Variants in RAD51 observed in about 807,000 individuals in gnomAD.
RAD51 encodes DNA repair protein RAD51 homolog 1.
In RAD51, 14 loss-of-function variants were observed where a neutral mutation model predicts 41.5. The observed-to-expected ratio is 0.34, with a 90% CI of 0.22 to 0.53. The LOEUF (loss-of-function observed/expected upper bound fraction) is 0.53. Among genes scored for constraint, RAD51 ranks in the 20% least tolerant of loss-of-function variants. RAD51 has a pLI of 0.95. For missense variants in RAD51, 234 were observed against 422.0 expected (o/e 0.55, Z 3.90); for synonymous variants, 136 against 148.6 (o/e 0.92, Z 0.62).
Position 40,729,919 on chromosome 15 carries a change from G to T in RAD51, c.841G>T (p.Ala281Ser), listed in dbSNP as rs764611353. The change falls in exon 9 of 10, where the codon GCT becomes TCT. Residue 281 changes from alanine to serine, a missense_variant. Physicochemically the swap from Ala to Ser is moderately conservative, Grantham distance 99. Transcript: ENST00000267868. ...AGTGGATGGAGCAGCGATGTTTGCT[G>T]CTGATCCCAAAAAACCTATTGGAGG... ...AQVDGAAMFA[A>S]DPKKPIGGNI... 6.2e-7 allele frequency: 1 copy of T among 1,614,174 alleles called. No individual in the cohort carries two copies. The highest frequency in any genetic ancestry group is 8.5e-7 in the Non-Finnish European group (1 of 1,180,010).
At chr15:40,717,563 GT>G (rs1356884070) in intron 5 of RAD51, among the ~76,000 whole-genome samples, 3 of 152,054 alleles carry the variant, frequency 2.0e-5, no homozygotes, top group Non-Finnish European at 2.9e-5. Context: ...TCATAAGACA[GT>G]TTTCATGGCA....
intron 6 of RAD51, among the ~76,000 whole-genome samples, chr15:40,724,220 G>C (rs1379490566): frequency 6.6e-6 from 1 of 152,160 alleles, no homozygotes; most frequent in Non-Finnish European, 1.5e-5. Context: ...TTAGTTTTCT[G>C]AGGATGTATA....
intron 5 of RAD51, among the ~76,000 whole-genome samples, chr15:40,715,583 T>A (rs1293512850): frequency 6.6e-6 from 1 of 152,182 alleles, no homozygotes; most frequent in East Asian, 1.9e-4. Context: ...CCTGATGGTA[T>A]CCCAATCCAG....
intron 4 of RAD51, among the ~76,000 whole-genome samples, chr15:40,708,733 C>T (rs943228323): frequency 6.6e-6 from 1 of 151,924 alleles, no homozygotes; most frequent in Non-Finnish European, 1.5e-5. Flanking sequence ...CAGGCATCCG[C>T]CACCATGCCC....
chr15:40,724,889 A>ATTTTTTTTTTTTTTTTTTAT (rs1896492196), intron 6 of RAD51, among the ~76,000 whole-genome samples: 1 of 55,410 alleles, frequency 1.8e-5, no homozygotes, highest in Non-Finnish European at 3.2e-5. Flanking sequence ...ATTTTTTTTA[A>ATTTTTTTTTTTTTTTTTTAT]TTTTTTTTTT....
At chr15:40,718,779 T>C in intron 5 of RAD51, 26 bp from the exon 6 acceptor site, 1 of 1,546,864 alleles carries the variant, frequency 6.5e-7, no homozygotes, top group Non-Finnish European at 8.9e-7. Flanking sequence ...AATGTTCATT[T>C]CTACTGTTGT....
chr15:40,706,421 G>A (rs746799226), intron 4 of RAD51, 127 bp downstream of exon 4: 68 of 842,554 alleles, frequency 8.1e-5, no homozygotes, highest in Middle Eastern at 7.7e-4. Flanking sequence ...GGAAGGCCAG[G>A]TGCAGTGGCT....
intron 7 of RAD51, 68 bp downstream of exon 7, chr15:40,728,892 T>G: frequency 7.7e-7 from 1 of 1,295,292 alleles, no homozygotes; most frequent in Admixed American, 1.7e-5. Flanking sequence ...TAATGGCTAT[T>G]TGGCCAGATT....
At chr15:40,702,390 A>G (rs142419738) in intron 3 of RAD51, among the ~76,000 whole-genome samples, 34 of 152,348 alleles carry the variant, frequency 2.2e-4, no homozygotes, top group African/African-American at 7.5e-4. Flanking sequence ...GTTTCTATGA[A>G]CACAACAATG....
At chr15:40,724,881 T>A (rs1896489355) in intron 6 of RAD51, among the ~76,000 whole-genome samples, 1 of 133,604 alleles carries the variant, frequency 7.5e-6, no homozygotes, top group East Asian at 2.2e-4. Context: ...TTTTTTTAAT[T>A]TTTTTTAATT....
intron 3 of RAD51, among the ~76,000 whole-genome samples, chr15:40,702,452 T>G (rs1895063497): frequency 6.6e-6 from 1 of 152,222 alleles, no homozygotes; most frequent in Non-Finnish European, 1.5e-5. Flanking sequence ...CTTACGTGTC[T>G]TTACTTTTCA....
intron 4 of RAD51, among the ~76,000 whole-genome samples, chr15:40,707,334 TCTCA>T (rs1895415268): frequency 6.8e-6 from 1 of 146,672 alleles, no homozygotes; most frequent in South Asian, 2.2e-4. Flanking sequence ...TGAGACAGAG[TCTCA>T]CTCTGTTACC....
intron 2 of RAD51, among the ~76,000 whole-genome samples, chr15:40,700,285 A>T (rs930416698): frequency 6.6e-6 from 1 of 152,184 alleles, no homozygotes; most frequent in Non-Finnish European, 1.5e-5. Flanking sequence ...GTTTGTTTTG[A>T]GAAGAGGTAT....
intron 5 of RAD51, among the ~76,000 whole-genome samples, chr15:40,713,124 T>C (rs1022424206): frequency 4.0e-5 from 6 of 151,260 alleles, no homozygotes; most frequent in Admixed American, 6.6e-5. Flanking sequence ...CAAGTTAATC[T>C]GCCCGCCTTG....
chr15:40,720,969 G>A (rs1896240832), intron 6 of RAD51, among the ~76,000 whole-genome samples: 1 of 152,206 alleles, frequency 6.6e-6, no homozygotes, highest in Non-Finnish European at 1.5e-5. Context: ...ATCACCTGAG[G>A]TCAGGAGTTC....
chr15:40,702,462 A>G (rs930113375), intron 3 of RAD51, among the ~76,000 whole-genome samples: 3 of 152,120 alleles, frequency 2.0e-5, no homozygotes, highest in Non-Finnish European at 4.4e-5. Flanking sequence ...TTTACTTTTC[A>G]ATATTTTATG....
At position 40,731,579 on chromosome 15, in the gene RAD51, C is replaced by G. The variant is rs1246757821; in HGVS notation, c.*401C>G. On this transcript the variant is annotated 3_prime_UTR_variant, in exon 10 of 10. Transcript: ENST00000267868. ...TTAATGGTAAAATAAAATGCCTCAG[C>G]TATGTAGCAAAGGGAATGGGTCTGC... 1.2e-5 allele frequency: 4 copies of G among 325,972 alleles called. No individual in the cohort carries two copies. Among genetic ancestry groups the G allele is most frequent in the South Asian group, 1.0e-4 (2 of 19,282 alleles). The allele number at this position is 325,972 out of a possible 1,614,324, so 20.2% of individuals were successfully genotyped here.
chr15:40,696,185 T>TTTTTG (rs992996623), intron 1 of RAD51, among the ~76,000 whole-genome samples: 1 of 151,978 alleles, frequency 6.6e-6, no homozygotes, highest in Admixed American at 6.6e-5. Flanking sequence ...GCCCCTGTTT[T>TTTTTG]TTTGTTTGTT....
At chr15:40,706,926 T>G (rs543284227) in intron 4 of RAD51, among the ~76,000 whole-genome samples, 1 of 152,332 alleles carries the variant, frequency 6.6e-6, no homozygotes, top group East Asian at 1.9e-4. Flanking sequence ...CATTCCATGT[T>G]TGAATACTAC....
Sources: gnomAD v4.1 joint callset for allele counts (sites outside exome capture counted in the v4.1 genomes callset) on GRCh38, gnomAD v4.1.1 for gene constraint, MANE v1.5 for transcripts, NCBI Gene and HGNC (gene_info 2026-07-23, HGNC 2026-07-21) for gene names.